Variants in MDFIC2 observed in about 807,000 individuals in gnomAD.
The protein encoded by MDFIC2 is MyoD family inhibitor domain containing 2.
rs1701190181 is a variant in MDFIC2, at chr3:70,197,152, AACAG to A, written c.340_343del (p.Leu114PhefsTer9). On this transcript the variant is annotated frameshift_variant, in exon 4 of 4. Coordinates refer to ENST00000567252, the MANE Select transcript of MDFIC2 (RefSeq NM_001364677.1). LOFTEE classifies it high-confidence loss of function. The stretch of plus-strand genomic sequence containing the variant: ...CAGGAGACAGTCCCAAAACTGGCAA[AACAG>A]ACAGGCGAGGATAAGGGAGGCACAC... 1 of 398,564 alleles carries A rather than the reference AACAG, an allele frequency of 2.5e-6. No homozygotes were observed. The highest frequency in any genetic ancestry group is 4.4e-6 in the Non-Finnish European group (1 of 226,064). 24.7% of individuals were successfully genotyped at this position (398,564 alleles called of 1,614,324 possible).
chr3:70,241,843 G>A (rs1701669125), intron 2 of MDFIC2, among the ~76,000 whole-genome samples: 1 of 152,202 alleles, frequency 6.6e-6, no homozygotes, highest in Admixed American at 6.6e-5. Flanking sequence ...GAAGTGATTT[G>A]CTCAAGCTCA....
At chr3:70,257,242 A>G (rs1454405506) in intron 2 of MDFIC2, among the ~76,000 whole-genome samples, 2 of 152,194 alleles carry the variant, frequency 1.3e-5, no homozygotes. Context: ...CCATTCCTTA[A>G]AACCTGGCAC....
At chr3:70,305,137 C>T (rs1015322167) in intron 2 of MDFIC2, among the ~76,000 whole-genome samples, 1 of 152,126 alleles carries the variant, frequency 6.6e-6, no homozygotes, top group Non-Finnish European at 1.5e-5. Flanking sequence ...TTCAAAGCTT[C>T]GAAACAATTA....
At chr3:70,266,245 A>G (rs1333183845) in intron 2 of MDFIC2, among the ~76,000 whole-genome samples, 1 of 152,052 alleles carries the variant, frequency 6.6e-6, no homozygotes, top group African/African-American at 2.4e-5. Flanking sequence ...TTGTGAGTTG[A>G]TGTGACCTAT....
intron 2 of MDFIC2, among the ~76,000 whole-genome samples, chr3:70,276,866 T>C (rs1702032175): frequency 6.6e-6 from 1 of 152,254 alleles, no homozygotes; most frequent in Non-Finnish European, 1.5e-5. Flanking sequence ...CAAATTAGAT[T>C]GTAGTTTTGT....
chr3:70,280,514 G>A (rs896963145), intron 2 of MDFIC2, among the ~76,000 whole-genome samples: 1 of 152,130 alleles, frequency 6.6e-6, no homozygotes, highest in African/African-American at 2.4e-5. Context: ...TAGGGGAGCT[G>A]AGCTGAAGCA....
intron 2 of MDFIC2, among the ~76,000 whole-genome samples, chr3:70,270,023 G>T (rs1701958825): frequency 6.6e-6 from 1 of 152,184 alleles, no homozygotes; most frequent in Non-Finnish European, 1.5e-5. Context: ...AGAGTACAGT[G>T]ATAAATAAAT....
intron 2 of MDFIC2, among the ~76,000 whole-genome samples, chr3:70,250,409 T>TCACACACACACA (rs1491108341): frequency 8.5e-4 from 107 of 126,340 alleles, no homozygotes; most frequent in Non-Finnish European, 4.1e-4. Flanking sequence ...TTTTAATGAA[T>TCACACACACACA]CTCACACACA....
At chr3:70,282,582 T>G (rs2106683240) in intron 2 of MDFIC2, among the ~76,000 whole-genome samples, 1 of 152,312 alleles carries the variant, frequency 6.6e-6, no homozygotes, top group South Asian at 2.1e-4. Flanking sequence ...AATCAGGAAC[T>G]TTGCACTTGC....
At chr3:70,210,453 A>C (rs1000210173) in intron 2 of MDFIC2, among the ~76,000 whole-genome samples, 1 of 152,146 alleles carries the variant, frequency 6.6e-6, no homozygotes, top group Non-Finnish European at 1.5e-5. Flanking sequence ...GAAGTGAGTC[A>C]CAATTTTTGG....
At position 70,196,814 on chromosome 3, in the gene MDFIC2, A is replaced by G; in HGVS notation, c.*112T>C. Reference sequence around the variant, plus strand: ...GGTGCAGAATAAAATGGCCTATAGCATCCAAGAAATGTGTACAGTCCTTAC... The same window carrying G: ...GGTGCAGAATAAAATGGCCTATAGCGTCCAAGAAATGTGTACAGTCCTTAC... On this transcript the variant is annotated 3_prime_UTR_variant, in exon 4 of 4. Transcript: ENST00000567252. 1 of 397,324 alleles carries G rather than the reference A, an allele frequency of 2.5e-6. No homozygotes were observed. The highest frequency in any genetic ancestry group is 3.6e-5 in the East Asian group (1 of 28,054). The allele number at this position is 397,324 out of a possible 1,614,324, so 24.6% of individuals were successfully genotyped here.
At chr3:70,285,296 G>C (rs11505029) in intron 2 of MDFIC2, among the ~76,000 whole-genome samples, 3 of 147,544 alleles carry the variant, frequency 2.0e-5, no homozygotes, top group Non-Finnish European at 3.0e-5. Flanking sequence ...CTATGAGTGA[G>C]AATATGTGGT....
chr3:70,269,034 T>C (rs1701950612), intron 2 of MDFIC2, among the ~76,000 whole-genome samples: 1 of 152,118 alleles, frequency 6.6e-6, no homozygotes, highest in South Asian at 2.1e-4. Context: ...AATTCTATTG[T>C]GATAGGATAT....
At chr3:70,251,575 G>C (rs1169646471) in intron 2 of MDFIC2, among the ~76,000 whole-genome samples, 1 of 152,106 alleles carries the variant, frequency 6.6e-6, no homozygotes, top group Non-Finnish European at 1.5e-5. Context: ...TTTCTGGAAG[G>C]CTTAGTGGCT....
At chr3:70,294,275 C>G (rs1004302255) in intron 2 of MDFIC2, among the ~76,000 whole-genome samples, 1 of 151,144 alleles carries the variant, frequency 6.6e-6, no homozygotes, top group Non-Finnish European at 1.5e-5. Flanking sequence ...AAAACATTTT[C>G]TTTTTTGCTA....
chr3:70,205,128 TA>T (rs1437714686), intron 3 of MDFIC2: 1 of 152,028 alleles, frequency 6.6e-6, no homozygotes, highest in Admixed American at 6.6e-5. Flanking sequence ...AAAAAATAAA[TA>T]AAAGTAATTA....
At chr3:70,224,489 A>T (rs1174444106) in intron 2 of MDFIC2, among the ~76,000 whole-genome samples, 3 of 152,202 alleles carry the variant, frequency 2.0e-5, no homozygotes, top group Non-Finnish European at 4.4e-5. Context: ...TGTTGGCAGC[A>T]CTTAATGAGT....
At chr3:70,248,222 A>G (rs1701727024) in intron 2 of MDFIC2, among the ~76,000 whole-genome samples, 1 of 152,138 alleles carries the variant, frequency 6.6e-6, no homozygotes, top group African/African-American at 2.4e-5. Context: ...GTTATGTGCT[A>G]TAAAAACATA....
At chr3:70,259,621 T>A (rs537808960) in intron 2 of MDFIC2, among the ~76,000 whole-genome samples, 2 of 152,170 alleles carry the variant, frequency 1.3e-5, no homozygotes, top group East Asian at 1.9e-4. Flanking sequence ...CTTTTAACCA[T>A]CTCTACACCC....
Sources: gnomAD v4.1 joint callset for allele counts (sites outside exome capture counted in the v4.1 genomes callset) on GRCh38, gnomAD v4.1.1 for gene constraint, MANE v1.5 for transcripts, NCBI Gene and HGNC (gene_info 2026-07-23, HGNC 2026-07-21) for gene names.